The following USP14 variants were observed in gnomAD, a reference collection of about 807,000 sequenced individuals.
USP14 encodes the protein ubiquitin carboxyl-terminal hydrolase 14.
A neutral mutation model predicts 76.5 loss-of-function variants in USP14; 38 were observed. The ratio of observed to expected loss-of-function variants is 0.50; its 90% CI spans 0.38 to 0.65. The LOEUF is 0.65. USP14 is among the 30% of genes least tolerant of loss of function. The pLI is 0.00. For synonymous variants in USP14, 192 were observed against 191.7 expected (o/e 1.00, Z -0.01); for missense variants, 467 against 586.5 (o/e 0.80, Z 2.10).
At chr18:197,135 C>T (rs1193421298) in intron 7 of USP14, among the ~76,000 whole-genome samples, 2 of 152,202 alleles carry the variant, frequency 1.3e-5, no homozygotes, top group East Asian at 1.9e-4. Flanking sequence ...GCACAGGCTT[C>T]CTTAAACCTT....
At chr18:173,674 C>T (rs1375253791) in intron 3 of USP14, among the ~76,000 whole-genome samples, 14 of 149,248 alleles carry the variant, frequency 9.4e-5, no homozygotes, top group Middle Eastern at 3.6e-3. Flanking sequence ...CCGCCCACCT[C>T]GGCCTCCCAA....
chr18:202,954 T>C lies in USP14; in HGVS notation c.942+9T>C. The C allele has an allele frequency of 6.2e-7, 1 of 1,613,936 alleles. No individual in the cohort carries two copies. Among genetic ancestry groups the C allele is most frequent in the Non-Finnish European group, 8.5e-7 (1 of 1,179,898 alleles). On this transcript the variant is annotated intron_variant, in intron 11 of 15. Coordinates refer to ENST00000261601, the MANE Select transcript of USP14 (RefSeq NM_005151.4). ...CCTTGTATATCAAATCTGTAAGTTATGCAGTCCTTTCGAAGCCAAATTCCG... is the reference window on the plus strand; with the variant it reads ...CCTTGTATATCAAATCTGTAAGTTACGCAGTCCTTTCGAAGCCAAATTCCG...
chr18:198,089 A>C lies in USP14; in HGVS notation c.718A>C (p.Lys240Gln). Residue 240 changes from lysine (K) to glutamine (Q), a missense_variant, in exon 9 of 16, where the codon AAA (lysine) becomes CAA (glutamine). Physicochemically the swap from Lys to Gln is moderately conservative, Grantham distance 53. Transcript: ENST00000261601. Reference protein sequence around the residue: ...SASAATPSKKKSLIDQFFGVE... With the variant: ...SASAATPSKKQSLIDQFFGVE... ...ATCGGCAGCGACACCTTCTAAAAAG[A>C]AAAGTTTAATCGATCAGTTCTTCGG... 6.2e-7 allele frequency: 1 copy of C among 1,610,920 alleles called. No individual in the cohort carries two copies. Among genetic ancestry groups the C allele is most frequent in the East Asian group, 2.2e-5 (1 of 44,866 alleles).
intron 3 of USP14, among the ~76,000 whole-genome samples, chr18:176,170 C>T (rs912200619): frequency 2.6e-5 from 4 of 151,462 alleles, no homozygotes; most frequent in Non-Finnish European, 5.9e-5. Context: ...AAAAAAAAAA[C>T]ATTTGGCCTG....
intron 9 of USP14, 126 bp from the exon 10 acceptor site, chr18:199,076 C>A: frequency 1.6e-6 from 1 of 609,790 alleles, no homozygotes; most frequent in Non-Finnish European, 2.9e-6. Context: ...TCTTGGGAGA[C>A]TAAAAGGTTT....
intron 3 of USP14, among the ~76,000 whole-genome samples, chr18:173,172 G>A (rs1909515079): frequency 6.6e-6 from 1 of 150,530 alleles, no homozygotes; most frequent in Non-Finnish European, 1.5e-5. Flanking sequence ...GCAGTGGCAC[G>A]ATCTCGGCTC....
Position 214,518 on chromosome 18 carries a change from A to AATT in USP14, c.*3235_*3237dup, listed in dbSNP as rs1024031315. ...TCAGAGCACCAGCCGACTGTACAAC[A>AATT]ATTGTTATAAAAATGTTTATTGTTT... On this transcript the variant is annotated 3_prime_UTR_variant, in exon 16 of 16. Transcript: ENST00000261601. 6.1e-6 allele frequency: 5 copies of AATT among 822,206 alleles called. No individual in the cohort carries two copies. In the African/African-American group the frequency reaches 6.8e-5, roughly 11 times the overall value. The allele number at this position is 822,206 out of a possible 1,614,324, so 50.9% of individuals were successfully genotyped here.
At chr18:210,101 C>T (rs563257049) in intron 14 of USP14, 70 bp downstream of exon 14, 16 of 1,224,238 alleles carry the variant, frequency 1.3e-5, no homozygotes, top group Non-Finnish European at 1.9e-5. Flanking sequence ...TACATCTTAC[C>T]CCATATTTAC....
intron 10 of USP14, among the ~76,000 whole-genome samples, chr18:199,804 T>C (rs150680846): frequency 2.9e-4 from 44 of 152,326 alleles, no homozygotes; most frequent in African/African-American, 9.1e-4. Context: ...TATGTATTGA[T>C]TGGTTGATGA....
At chr18:166,926 C>G in intron 3 of USP14, 107 bp downstream of exon 3, 2 of 952,306 alleles carry the variant, frequency 2.1e-6, no homozygotes, top group Non-Finnish European at 3.1e-6. Flanking sequence ...TGTTCCAGCA[C>G]TATCTGTTGA....
chr18:179,911 C>G (rs1027530886), intron 4 of USP14, among the ~76,000 whole-genome samples: 2 of 151,676 alleles, frequency 1.3e-5, no homozygotes, highest in Non-Finnish European at 2.9e-5. Flanking sequence ...TGTTATTTTG[C>G]TTTTTGTTTT....
chr18:180,179 T>C (rs1909747111), intron 4 of USP14, 57 bp from the exon 5 acceptor site: 1 of 958,348 alleles, frequency 1.0e-6, no homozygotes, highest in Non-Finnish European at 1.5e-6. Flanking sequence ...ATATGCCATG[T>C]CATTTTGTAA....
In USP14 at chr18:163,266, C is replaced by G. The variant is rs369804135; in HGVS notation, c.17-42C>G. On this transcript the variant is annotated intron_variant, in intron 1 of 15. Coordinates refer to ENST00000261601, the MANE Select transcript of USP14 (RefSeq NM_005151.4). ...TCTTCTAAGGGTCTGTAAATCTTGT[C>G]TTGTTATTTTTTAATTAAAAAAATT... 2.9e-5 allele frequency: 44 copies of G among 1,538,010 alleles called. No homozygotes were observed. In the African/African-American group the frequency reaches 4.8e-4, roughly 17 times the overall value.
At chr18:163,642 C>A (rs1402490316) in intron 2 of USP14, among the ~76,000 whole-genome samples, 189 bp downstream of exon 2, 2 of 152,084 alleles carry the variant, frequency 1.3e-5, no homozygotes, top group Non-Finnish European at 2.9e-5. Flanking sequence ...AGCTGTTTGA[C>A]AACACTATAT....
Position 212,611 on chromosome 18 carries a change from AAG to A in USP14, c.*1329_*1330del, listed in dbSNP as rs1460453600. 1 of 152,156 alleles carries A rather than the reference AAG, an allele frequency of 6.6e-6. No individual in the cohort carries two copies. Among genetic ancestry groups the A allele is most frequent in the Non-Finnish European group, 1.5e-5 (1 of 68,044 alleles). The allele number at this position is 152,156 out of a possible 1,614,324, so 9.4% of individuals were successfully genotyped here. ...AGAGAGACTCTGTCTCAAAAAAAAA[AAG>A]AAAAAATTCCCAAATCTTAATGTCT... On this transcript the variant is annotated 3_prime_UTR_variant, in exon 16 of 16. Transcript: ENST00000261601.
chr18:198,267 C>T (rs765156848), intron 9 of USP14, 135 bp downstream of exon 9: 28 of 691,128 alleles, frequency 4.1e-5, no homozygotes, highest in African/African-American at 1.6e-4. Flanking sequence ...GACGGAGTTT[C>T]GCTCTTGTCG....
At position 208,811 on chromosome 18, in the gene USP14, T is replaced by C. The variant is rs566331845; in HGVS notation, c.1165-1160T>C. On this transcript the variant is annotated intron_variant, in intron 13 of 15. Transcript: ENST00000261601. ...CCCAGGCTGGAGTGCATAGGTACGA[T>C]CCCGGCTCAGTGCAACCTCTGCCTC... 4.6e-5 allele frequency among the ~76,000 whole-genome samples: 7 copies of C among 152,280 alleles called. No individual in the cohort carries two copies. In the East Asian group the frequency reaches 1.4e-3, roughly 29 times the overall value.
At position 207,410 on chromosome 18, in the gene USP14, T is replaced by C. The variant is rs1910558869; in HGVS notation, c.1165-2561T>C. On this transcript the variant is annotated intron_variant, in intron 13 of 15. Coordinates refer to ENST00000261601, the MANE Select transcript of USP14 (RefSeq NM_005151.4). ...CAATTAAAAAGTATTACTATCTTAA[T>C]AGTATTAAGACTAATCTCAGCACTT... 1.4e-5 allele frequency among the ~76,000 whole-genome samples: 2 copies of C among 145,004 alleles called. 1 individual carries two copies. Among genetic ancestry groups the C allele is most frequent in the Admixed American group, 1.4e-4 (2 of 14,542 alleles).
At chr18:174,735 G>A (rs1431290803) in intron 3 of USP14, among the ~76,000 whole-genome samples, 1 of 151,768 alleles carries the variant, frequency 6.6e-6, no homozygotes, top group Non-Finnish European at 1.5e-5. Context: ...CTCCTGAGTA[G>A]TTGGGACTAT....
Sources: gnomAD v4.1 joint callset for allele counts (sites outside exome capture counted in the v4.1 genomes callset) on GRCh38, gnomAD v4.1.1 for gene constraint, MANE v1.5 for transcripts, NCBI Gene and HGNC (gene_info 2026-07-23, HGNC 2026-07-21) for gene names.